The following VAT1L variants were observed in gnomAD, a reference collection of about 807,000 sequenced individuals.
The protein encoded by VAT1L is putative NADPH-dependent quinone oxidoreductase VAT1L.
Under a neutral mutation model 44.1 loss-of-function variants are expected in VAT1L, and 34 were observed. The observed-to-expected ratio is 0.77, with a 90% CI of 0.59 to 1.03. The LOEUF (loss-of-function observed/expected upper bound fraction) is 1.03. VAT1L is among the 50% of genes least tolerant of loss of function. The pLI, the probability that VAT1L is intolerant of heterozygous loss-of-function variation, is 0.00. For synonymous variants in VAT1L, 253 were observed against 202.2 expected, an observed-to-expected ratio of 1.25 and a Z score of -2.13; for missense variants, 615 against 538.8, an observed-to-expected ratio of 1.14 and a Z score of -1.40.
rs1197768358 is a variant in VAT1L, at chr16:77,873,398, TC to T, written c.723-2970del. Among the ~76,000 whole-genome samples the T allele has an allele frequency of 6.6e-5, 10 of 152,342 alleles. No homozygotes were observed. In the East Asian group the frequency reaches 1.5e-3, roughly 24 times the overall value. On this transcript the variant is annotated intron_variant, in intron 4 of 8. Coordinates refer to ENST00000302536, the MANE Select transcript of VAT1L (RefSeq NM_020927.3). The stretch of plus-strand genomic sequence containing the variant: ...AGAGCTCTGAAATATGAGTTTCCTT[TC>T]CGAGGAAGCACACATATAGAGACAC...
chr16:77,855,041 C>T (rs1465409767), intron 3 of VAT1L, among the ~76,000 whole-genome samples: 2 of 152,210 alleles, frequency 1.3e-5, no homozygotes, highest in East Asian at 3.9e-4. Flanking sequence ...TCCAAGTTCC[C>T]ATTTTAAAAA....
chr16:77,953,582 C>G (rs2018069420), intron 7 of VAT1L, among the ~76,000 whole-genome samples: 2 of 151,882 alleles, frequency 1.3e-5, no homozygotes, highest in African/African-American at 4.8e-5. Context: ...ACTCTGTCAC[C>G]CAGGCTGGAG....
At chr16:77,903,288 C>T (rs2017404079) in intron 7 of VAT1L, among the ~76,000 whole-genome samples, 1 of 152,176 alleles carries the variant, frequency 6.6e-6, no homozygotes, top group Non-Finnish European at 1.5e-5. Flanking sequence ...TATGTAAGCT[C>T]TACCTCTGAT....
At chr16:77,961,265 C>T (rs975391602) in intron 7 of VAT1L, among the ~76,000 whole-genome samples, 2 of 152,030 alleles carry the variant, frequency 1.3e-5, no homozygotes, top group African/African-American at 4.8e-5. Flanking sequence ...GGGGGCTTCT[C>T]CTTGGTGCAC....
chr16:77,949,282 G>T (rs1170479385), intron 7 of VAT1L, among the ~76,000 whole-genome samples: 1 of 152,188 alleles, frequency 6.6e-6, no homozygotes, highest in Non-Finnish European at 1.5e-5. Context: ...GTCAAGTCTA[G>T]ATTCTGGTGG....
At chr16:77,798,711 G>C (rs1270182290) in intron 1 of VAT1L, among the ~76,000 whole-genome samples, 1 of 152,126 alleles carries the variant, frequency 6.6e-6, no homozygotes, top group Non-Finnish European at 1.5e-5. Flanking sequence ...ATCAAAAGTA[G>C]CTCAAACAGG....
chr16:77,893,906 C>G (rs961685891), intron 7 of VAT1L, among the ~76,000 whole-genome samples: 1 of 152,156 alleles, frequency 6.6e-6, no homozygotes, highest in Non-Finnish European at 1.5e-5. Context: ...CTTAGCATAG[C>G]ATGTTTATAT....
At chr16:77,902,323 G>A (rs1229369569) in intron 7 of VAT1L, among the ~76,000 whole-genome samples, 1 of 152,132 alleles carries the variant, frequency 6.6e-6, no homozygotes, top group African/African-American at 2.4e-5. Context: ...AGTCAATGGG[G>A]TTTTTTATAT....
chr16:77,824,920 G>T (rs1303034015), intron 2 of VAT1L, among the ~76,000 whole-genome samples: 1 of 131,144 alleles, frequency 7.6e-6, no homozygotes, highest in Non-Finnish European at 1.6e-5. Flanking sequence ...AGGCTGGAGT[G>T]CAATGGCATG....
At chr16:77,961,203 T>G (rs1432426589) in intron 7 of VAT1L, among the ~76,000 whole-genome samples, 1 of 152,066 alleles carries the variant, frequency 6.6e-6, no homozygotes, top group Non-Finnish European at 1.5e-5. Flanking sequence ...GCTGCACGTC[T>G]ATTCACAGAG....
intron 3 of VAT1L, among the ~76,000 whole-genome samples, chr16:77,852,739 C>G (rs1000088502): frequency 3.3e-5 from 5 of 152,118 alleles, no homozygotes; most frequent in African/African-American, 1.2e-4. Flanking sequence ...CTCCTTTTGG[C>G]CTACAGATCC....
At chr16:77,809,488 T>C (rs74029415) in intron 1 of VAT1L, among the ~76,000 whole-genome samples, 196 of 152,278 alleles carry the variant, frequency 1.3e-3, no homozygotes, top group African/African-American at 4.6e-3. Flanking sequence ...ACAGCTGACA[T>C]TGGGCTACTC....
At position 77,947,447 on chromosome 16, in the gene VAT1L, G is replaced by A. The variant is rs191784545; in HGVS notation, c.1078-24403G>A. ...CTACCTCAAATCTTGGTCTCACCCC[G>A]CCAGCCTCCATAATTCCCAGTTGTC... On this transcript the variant is annotated intron_variant, in intron 7 of 8. Coordinates refer to ENST00000302536, the MANE Select transcript of VAT1L (RefSeq NM_020927.3). Among the ~76,000 whole-genome samples, 373 of 152,232 alleles carry A rather than the reference G, an allele frequency of 2.5e-3. 4 individuals are homozygous for A. Among genetic ancestry groups the A allele is most frequent in the African/African-American group, 8.4e-3 (347 of 41,530 alleles).
intron 7 of VAT1L, among the ~76,000 whole-genome samples, chr16:77,895,198 C>T (rs80154383): frequency 0.041 from 6,280 of 151,952 alleles, 256 homozygotes; most frequent in East Asian, 0.16. Context: ...AGCACTATCA[C>T]GCCCCCAGGC....
At chr16:77,932,647 A>G (rs2017746055) in intron 7 of VAT1L, among the ~76,000 whole-genome samples, 1 of 152,194 alleles carries the variant, frequency 6.6e-6, no homozygotes, top group Non-Finnish European at 1.5e-5. Context: ...ACAGTCCTTT[A>G]TGATTTGGTA....
At chr16:77,935,846 A>G (rs762046434) in intron 7 of VAT1L, among the ~76,000 whole-genome samples, 3 of 152,186 alleles carry the variant, frequency 2.0e-5, no homozygotes, top group Non-Finnish European at 4.4e-5. Context: ...CATTCATTAA[A>G]TTGGAGAAAT....
In VAT1L at chr16:77,788,923, A is replaced by G; in HGVS notation, c.233+8A>G. The G allele has an allele frequency of 1.4e-6, 2 of 1,474,298 alleles. No homozygotes were observed. The highest frequency in any genetic ancestry group is 9.0e-7 in the Non-Finnish European group (1 of 1,113,738). 91.3% of individuals were successfully genotyped at this position (1,474,298 alleles called of 1,614,324 possible). On this transcript the variant is annotated splice_region_variant and intron_variant, in intron 1 of 8. Transcript: ENST00000302536. The stretch of plus-strand genomic sequence containing the variant: ...GATCCGCGTCAAAGCCTGGTCCAGT[A>G]TCCGCGCCTTTCTCGCTTTCTCTCT...
chr16:77,975,229 A>G, intron 8 of VAT1L, among the ~76,000 whole-genome samples: 2 of 57,688 alleles, frequency 3.5e-5, no homozygotes, highest in African/African-American at 6.8e-5. Context: ...TTTTTTTTTT[A>G]AAGACAGTCT....
intron 2 of VAT1L, among the ~76,000 whole-genome samples, chr16:77,822,028 C>G (rs1180110813): frequency 6.6e-6 from 1 of 152,224 alleles, no homozygotes; most frequent in East Asian, 1.9e-4. Flanking sequence ...ACACAGGCGT[C>G]AATACTGAAC....
Sources: allele counts gnomAD v4.1 joint callset (sites outside exome capture counted in the v4.1 genomes callset), GRCh38; gene constraint gnomAD v4.1.1; transcripts MANE v1.5; gene names NCBI Gene and HGNC (gene_info 2026-07-23, HGNC 2026-07-21).